TRAP1: variants seen among roughly 807,000 people sequenced by gnomAD.
TRAP1 encodes TNF receptor associated protein 1.
Under a neutral mutation model 89.1 loss-of-function variants are expected in TRAP1, and 102 were observed. That is an observed-to-expected ratio of 1.15 (90% confidence interval 0.98 to 1.35). The LOEUF (loss-of-function observed/expected upper bound fraction) is 1.35. TRAP1 is among the 40% of genes most tolerant of loss of function. TRAP1 has a pLI of 0.00. For missense variants in TRAP1, 1,256 were observed against 945.3 expected, an observed-to-expected ratio of 1.33 and a Z score of -4.31; for synonymous variants, 508 against 388.0, an observed-to-expected ratio of 1.31 and a Z score of -3.64.
Position 3,677,790 on chromosome 16 carries a change from C to G in TRAP1, c.544-132G>C, listed in dbSNP as rs2051019778. ...ACAGCCACACCGAGTACTTTTCCAC[C>G]CCATTCTACACGTGAAGAGCTAAGT... On this transcript the variant is annotated intron_variant, in intron 5 of 17. Transcript: ENST00000246957. The G allele has an allele frequency of 7.5e-6, 8 of 1,065,808 alleles. No homozygotes were observed. The South Asian group carries it at 1.3e-4, about 17-fold the overall frequency. 66.0% of individuals were successfully genotyped at this position (1,065,808 alleles called of 1,614,324 possible).
intron 4 of TRAP1, 146 bp downstream of exon 4, chr16:3,685,850 C>T: frequency 9.3e-7 from 1 of 1,079,126 alleles, no homozygotes; most frequent in Non-Finnish European, 1.3e-6. Context: ...TGAATGAGTG[C>T]TACTGTAACA....
chr16:3,717,081 C>A (rs1162970218), intron 1 of TRAP1, among the ~76,000 whole-genome samples: 2 of 152,234 alleles, frequency 1.3e-5, no homozygotes, highest in Non-Finnish European at 2.9e-5. Context: ...ACTCCGCGCT[C>A]CGCAGCGGCT....
intron 1 of TRAP1, among the ~76,000 whole-genome samples, chr16:3,699,940 T>C (rs1444827790): frequency 6.6e-6 from 1 of 151,870 alleles, no homozygotes; most frequent in East Asian, 1.9e-4. Context: ...CTCCCAAAGC[T>C]GCTGGGATTA....
intron 1 of TRAP1, among the ~76,000 whole-genome samples, chr16:3,708,824 T>G (rs1383179409): frequency 6.7e-6 from 1 of 149,098 alleles, no homozygotes; most frequent in Non-Finnish European, 1.5e-5. Flanking sequence ...TCAATTTTTT[T>G]TTTTTTTTTG....
intron 1 of TRAP1, among the ~76,000 whole-genome samples, chr16:3,695,192 G>C (rs1664964561): frequency 6.6e-6 from 1 of 152,156 alleles, no homozygotes; most frequent in Non-Finnish European, 1.5e-5. Flanking sequence ...CAGGTACTGA[G>C]AGCTGGGACT....
chr16:3,703,043 G>GAAAAAAAAAAAAAAAAAAA (rs36093237), intron 1 of TRAP1, among the ~76,000 whole-genome samples: 1 of 43,500 alleles, frequency 2.3e-5, no homozygotes, highest in Non-Finnish European at 4.3e-5. Context: ...ACTCCGTCTT[G>GAAAAAAAAAAAAAAAAAAA]AAAAAAAAAA....
chr16:3,697,869 A>G (rs2051310936), intron 1 of TRAP1, among the ~76,000 whole-genome samples: 1 of 150,430 alleles, frequency 6.6e-6, no homozygotes, highest in African/African-American at 2.4e-5. Flanking sequence ...GCTCACTGCA[A>G]CCTCTGCCTC....
chr16:3,700,177 T>C (rs145106999), intron 1 of TRAP1, among the ~76,000 whole-genome samples: 26 of 152,212 alleles, frequency 1.7e-4, no homozygotes, highest in Non-Finnish European at 3.1e-4. Flanking sequence ...TTACAAACTT[T>C]TTTTTTTGAG....
intron 1 of TRAP1, among the ~76,000 whole-genome samples, chr16:3,693,007 G>T (rs1596736007): frequency 6.7e-6 from 1 of 149,238 alleles, no homozygotes; most frequent in East Asian, 2.0e-4. Flanking sequence ...GCCCAGGCTG[G>T]AGTGCAGTGA....
chr16:3,662,193 A>C (rs1053709762), intron 15 of TRAP1, 61 bp from the exon 16 acceptor site: 14 of 1,568,040 alleles, frequency 8.9e-6, no homozygotes, highest in Non-Finnish European at 1.1e-5. Flanking sequence ...GGCTGGCAGG[A>C]TCTTACCAGG....
At chr16:3,672,160 A>AC (rs1183919858) in intron 10 of TRAP1, among the ~76,000 whole-genome samples, 3 of 151,746 alleles carry the variant, frequency 2.0e-5, no homozygotes, top group African/African-American at 7.3e-5. Context: ...TTATGGTGAA[A>AC]CCCCATCTCT....
intron 1 of TRAP1, among the ~76,000 whole-genome samples, chr16:3,695,963 T>A (rs1018868419): frequency 6.6e-6 from 1 of 152,188 alleles, no homozygotes; most frequent in Admixed American, 6.6e-5. Flanking sequence ...ACCTTTGCCA[T>A]GTGTACAGAC....
At chr16:3,675,765 C>T (rs1050255718) in intron 7 of TRAP1, among the ~76,000 whole-genome samples, 2 of 152,204 alleles carry the variant, frequency 1.3e-5, no homozygotes, top group Non-Finnish European at 2.9e-5. Context: ...CTGCGCCAAA[C>T]CCCCAGGTGC....
intron 9 of TRAP1, 27 bp downstream of exon 9, chr16:3,674,312 G>A: frequency 6.2e-7 from 1 of 1,612,328 alleles, no homozygotes; most frequent in African/African-American, 1.3e-5. Flanking sequence ...TCACCCTGAG[G>A]GCCGTGGGAC....
chr16:3,696,892 A>G (rs982588861), intron 1 of TRAP1, among the ~76,000 whole-genome samples: 1 of 151,422 alleles, frequency 6.6e-6, no homozygotes, highest in Non-Finnish European at 1.5e-5. Context: ...ATACCCGGCT[A>G]ATTTTTGTGT....
At chr16:3,661,504 A>G (rs1245363381) in intron 16 of TRAP1, 1 of 152,824 alleles carries the variant, frequency 6.5e-6, no homozygotes, top group Admixed American at 6.5e-5. Flanking sequence ...CTTCTGACCA[A>G]GAACCACCGG....
chr16:3,682,539 G>A (rs935179143), intron 4 of TRAP1, among the ~76,000 whole-genome samples: 6 of 151,924 alleles, frequency 3.9e-5, no homozygotes, highest in South Asian at 2.1e-4. Context: ...ACCGGCACAC[G>A]CTGCCACACC....
chr16:3,663,792 G>C (rs1031910842), intron 13 of TRAP1: 2 of 562,558 alleles, frequency 3.6e-6, no homozygotes, highest in African/African-American at 1.9e-5. Flanking sequence ...ATCCACATGT[G>C]GCTGAGTGCA....
At position 3,664,438 on chromosome 16, in the gene TRAP1, G is replaced by A. The variant is rs148549350; in HGVS notation, c.1405C>T (p.Arg469Cys). ...EVKEDIAKLL[R>C]YESSALPSGQ... is the part of the protein sequence containing the mutation. ...GAGGGCAGCGCCGAGGACTCGTAGC[G>A]CAGCAGCTTTGCTATGTCCTCCTAG... is the stretch of plus-strand genomic sequence containing the variant. The change falls in exon 13 of 18, where the codon CGC becomes TGC. Residue 469 changes from arginine to cysteine, a missense_variant. Coordinates refer to ENST00000246957, the MANE Select transcript of TRAP1 (RefSeq NM_016292.3). 536 of 1,611,726 alleles carry A rather than the reference G, an allele frequency of 3.3e-4. No individual in the cohort carries two copies. The highest frequency in any genetic ancestry group is 3.9e-4 in the Non-Finnish European group (464 of 1,179,172).
Sources: gnomAD v4.1 joint callset for allele counts (sites outside exome capture counted in the v4.1 genomes callset) on GRCh38, gnomAD v4.1.1 for gene constraint, MANE v1.5 for transcripts, NCBI Gene and HGNC (gene_info 2026-07-23, HGNC 2026-07-21) for gene names.